The following TBCE variants were observed in gnomAD, a reference collection of about 807,000 sequenced individuals.
TBCE encodes the protein tubulin-specific chaperone E.
In TBCE, 53 loss-of-function variants were observed where a neutral mutation model predicts 77.0. The ratio of observed to expected loss-of-function variants is 0.69; its 90% CI spans 0.55 to 0.87. TBCE has a LOEUF of 0.87. Among genes scored for constraint, TBCE ranks in the 40% least tolerant of loss-of-function variants. The pLI is 0.00. For synonymous variants in TBCE, 235 were observed against 241.3 expected, an observed-to-expected ratio of 0.97 and a Z score of 0.24; for missense variants, 624 against 622.4, an observed-to-expected ratio of 1.00 and a Z score of -0.03.
At position 235,427,530 on chromosome 1, in the gene TBCE, A is replaced by G. The variant is rs77335676; in HGVS notation, c.560+291A>G. Reference sequence around the variant, plus strand: ...GACAGTTGAGCCAATCAGGTTCAAGATGGCAGCTCCATCTTCCCTTCTCTT... The same window carrying G: ...GACAGTTGAGCCAATCAGGTTCAAGGTGGCAGCTCCATCTTCCCTTCTCTT... On this transcript the variant is annotated intron_variant, in intron 6 of 16. Transcript: ENST00000642610. 0.023 allele frequency among the ~76,000 whole-genome samples: 3,452 copies of G among 152,294 alleles called. 141 individuals carry two copies. The highest frequency in any genetic ancestry group is 0.078 in the African/African-American group (3,252 of 41,558).
intron 3 of TBCE, among the ~76,000 whole-genome samples, chr1:235,405,247 G>A (rs1172548871): frequency 6.6e-6 from 1 of 151,894 alleles, no homozygotes; most frequent in Non-Finnish European, 1.5e-5. Flanking sequence ...ATAGGCATGA[G>A]CCACTGCACT....
intron 3 of TBCE, among the ~76,000 whole-genome samples, chr1:235,404,594 TA>T (rs1172552128): frequency 6.6e-6 from 1 of 152,144 alleles, no homozygotes; most frequent in Non-Finnish European, 1.5e-5. Context: ...TAGGCTACAC[TA>T]AACTTAGAAG....
rs1156870643 is a variant in TBCE, at chr1:235,415,553, GC to G, written c.371+937del. On this transcript the variant is annotated intron_variant, in intron 4 of 16. Coordinates refer to ENST00000642610, the MANE Select transcript of TBCE (RefSeq NM_003193.5). ...AGGATAAATTTGTGGCCACTTGGAGGCCTGCAATATATTTTCTTTCAGTCTC... is the reference window on the plus strand; with the variant it reads ...AGGATAAATTTGTGGCCACTTGGAGGCTGCAATATATTTTCTTTCAGTCTC... 3 of 152,252 alleles carry G rather than the reference GC, an allele frequency of 2.0e-5. No individual in the cohort carries two copies. The East Asian group carries it at 5.8e-4, about 29-fold the overall frequency. The allele number at this position is 152,252 out of a possible 1,614,324, so 9.4% of individuals were successfully genotyped here.
intron 14 of TBCE, among the ~76,000 whole-genome samples, chr1:235,442,320 G>A (rs1226173500): frequency 6.6e-6 from 1 of 152,108 alleles, no homozygotes; most frequent in Non-Finnish European, 1.5e-5. Flanking sequence ...ACAGGCATGC[G>A]CCACCACACC....
chr1:235,428,963 A>ATGTGTGTGTGTGTGTGTGTGTGTGTG (rs1200547096), intron 6 of TBCE: 1 of 129,528 alleles, frequency 7.7e-6, no homozygotes, highest in African/African-American at 3.1e-5. Flanking sequence ...GTATATATGT[A>ATGTGTGTGTGTGTGTGTGTGTGTGTG]TGTGTGTATA....
At chr1:235,382,347 G>C (rs1677727723) in intron 2 of TBCE, among the ~76,000 whole-genome samples, 1 of 152,106 alleles carries the variant, frequency 6.6e-6, no homozygotes, top group African/African-American at 2.4e-5. Context: ...GGATGGCTGG[G>C]TCAAATGGTA....
At chr1:235,410,288 T>C (rs1374258886) in intron 3 of TBCE, among the ~76,000 whole-genome samples, 3 of 152,146 alleles carry the variant, frequency 2.0e-5, no homozygotes, top group Non-Finnish European at 4.4e-5. Context: ...GGCTACTCCA[T>C]AGGCAGAACA....
chr1:235,388,970 A>G (rs140877309), intron 2 of TBCE, among the ~76,000 whole-genome samples: 102 of 152,276 alleles, frequency 6.7e-4, no homozygotes, highest in African/African-American at 2.0e-3. Flanking sequence ...ATCTGTCACT[A>G]GGTTCTGTTG....
rs1682802846 is a variant in TBCE at position 235,450,138 on chromosome 1, T to G, written c.*1376T>G. On this transcript the variant is annotated 3_prime_UTR_variant, in exon 17 of 17. Coordinates refer to ENST00000642610, the MANE Select transcript of TBCE (RefSeq NM_003193.5). The stretch of plus-strand genomic sequence containing the variant: ...ACAGTCTACTGCTAAACCCTGGGAC[T>G]CCTCAGACTTGCACTCAGATTATCG... The G allele has an allele frequency of 1.0e-5, 16 of 1,574,656 alleles. No individual in the cohort carries two copies. The South Asian group carries it at 1.1e-4, about 11-fold the overall frequency.
chr1:235,448,797 T>C lies in TBCE; in HGVS notation c.*35T>C. 4 of 1,423,842 alleles carry C rather than the reference T, an allele frequency of 2.8e-6. No homozygotes were observed. Among genetic ancestry groups the C allele is most frequent in the Non-Finnish European group, 4.0e-6 (4 of 1,008,520 alleles). 88.2% of individuals were successfully genotyped at this position (1,423,842 alleles called of 1,614,324 possible). A position where few individuals can be genotyped will look rare whatever the true frequency, so the allele number is the denominator to read the frequency against. ...AATAAAATTTAAAGACCACACTGCTTATCGTGTCTGGGGTTCACCGGAAAT... is the reference window on the plus strand; with the variant it reads ...AATAAAATTTAAAGACCACACTGCTCATCGTGTCTGGGGTTCACCGGAAAT... On this transcript the variant is annotated 3_prime_UTR_variant, in exon 17 of 17. Transcript: ENST00000642610.
intron 5 of TBCE, among the ~76,000 whole-genome samples, 177 bp downstream of exon 5, chr1:235,419,738 G>A (rs1222068295): frequency 2.0e-5 from 3 of 152,160 alleles, no homozygotes; most frequent in Admixed American, 6.6e-5. Flanking sequence ...AGACCCCTTT[G>A]CTTGCAAGTT....
chr1:235,370,198 G>C (rs1676821419), intron 1 of TBCE, among the ~76,000 whole-genome samples: 1 of 151,350 alleles, frequency 6.6e-6, no homozygotes, highest in South Asian at 2.1e-4. Flanking sequence ...TTCTCTCACT[G>C]GCATAGAAGG....
chr1:235,437,129 AAAAAC>A lies in TBCE; in HGVS notation c.964-173_964-169del, dbSNP rs202162200. On this transcript the variant is annotated intron_variant, in intron 11 of 16. Transcript: ENST00000642610. ...GGGAAACGAGCGAAACTCCATCTCA[AAAAAC>A]AAAACAAAACAAAACAAAAAACAAC... 0.025 allele frequency among the ~76,000 whole-genome samples: 3,756 copies of A among 152,178 alleles called. 138 individuals carry two copies. The highest frequency in any genetic ancestry group is 0.08 in the African/African-American group (3,315 of 41,470).
At chr1:235,391,662 A>G (rs1572347210) in intron 2 of TBCE, among the ~76,000 whole-genome samples, 2 of 127,296 alleles carry the variant, frequency 1.6e-5, no homozygotes, top group East Asian at 2.4e-4. Flanking sequence ...GCTGGAGTGC[A>G]GTGGTACGAT....
At chr1:235,388,610 A>G (rs1294717656) in intron 2 of TBCE, among the ~76,000 whole-genome samples, 1 of 152,118 alleles carries the variant, frequency 6.6e-6, no homozygotes, top group East Asian at 1.9e-4. Context: ...CTTCTAAGGA[A>G]TGTGAATATT....
chr1:235,418,024 C>T (rs879220509), intron 4 of TBCE, among the ~76,000 whole-genome samples: 2 of 152,104 alleles, frequency 1.3e-5, no homozygotes, highest in African/African-American at 2.4e-5. Context: ...CCAGGTGATC[C>T]GCCCACCTTG....
Position 235,428,830 on chromosome 1 carries a change from G to A in TBCE, c.560+1591G>A, listed in dbSNP as rs193232999. On this transcript the variant is annotated intron_variant, in intron 6 of 16. Coordinates refer to ENST00000642610, the MANE Select transcript of TBCE (RefSeq NM_003193.5). ...AACTAATTTTTGTGTTTTTACTAGAGACGGGGTTTCACTATGTTGGCTAGG... is the reference window on the plus strand; with the variant it reads ...AACTAATTTTTGTGTTTTTACTAGAAACGGGGTTTCACTATGTTGGCTAGG... Among the ~76,000 whole-genome samples the A allele has an allele frequency of 8.7e-4, 132 of 150,916 alleles. 2 individuals are homozygous for A. The highest frequency in any genetic ancestry group is 6.9e-3 in the Admixed American group (104 of 15,118).
At chr1:235,423,489 G>T (rs965382072) in intron 5 of TBCE, 18 of 152,522 alleles carry the variant, frequency 1.2e-4, no homozygotes, top group African/African-American at 3.8e-4. Flanking sequence ...ATTTAGCGGG[G>T]TTAATGGAAA....
At chr1:235,371,086 T>C (rs1277825606) in intron 1 of TBCE, among the ~76,000 whole-genome samples, 1 of 125,238 alleles carries the variant, frequency 8.0e-6, no homozygotes, top group Non-Finnish European at 1.6e-5. Context: ...ACAGAGTGGT[T>C]GCTCTTGCTG....
Sources: allele counts gnomAD v4.1 joint callset (sites outside exome capture counted in the v4.1 genomes callset), GRCh38; gene constraint gnomAD v4.1.1; transcripts MANE v1.5; gene names NCBI Gene and HGNC (gene_info 2026-07-23, HGNC 2026-07-21).